Variants in CSMD2 observed in about 807,000 individuals in gnomAD.
CSMD2 encodes CUB and Sushi multiple domains 2.
Under a neutral mutation model 398.5 loss-of-function variants are expected in CSMD2, and 130 were observed. That is an observed-to-expected ratio of 0.33 (90% CI 0.28 to 0.38). The LOEUF is 0.38. Ranked by LOEUF, CSMD2 falls within the 10% of genes least tolerant of loss-of-function variation. CSMD2 has a pLI of 1.00. For missense variants in CSMD2, 3,829 were observed against 4,764.9 expected (o/e 0.80, Z 5.78); for synonymous variants, 1,828 against 1,908.5 (o/e 0.96, Z 1.10).
chr1:34,055,940 ACAGTCAACC>A (rs1338987433), intron 2 of CSMD2, among the ~76,000 whole-genome samples: 2 of 152,206 alleles, frequency 1.3e-5, no homozygotes, highest in Non-Finnish European at 2.9e-5. Flanking sequence ...TGGCAAGCCA[ACAGTCAACC>A]CATTAGCATT....
intron 15 of CSMD2, among the ~76,000 whole-genome samples, chr1:33,734,847 CT>C (rs1187093281): frequency 3.3e-5 from 5 of 151,616 alleles, no homozygotes; most frequent in South Asian, 4.2e-4. Flanking sequence ...GATAATTTAT[CT>C]TTTTTTGTGT....
At chr1:33,884,038 A>G (rs1641416268) in intron 5 of CSMD2, among the ~76,000 whole-genome samples, 1 of 152,110 alleles carries the variant, frequency 6.6e-6, no homozygotes, top group South Asian at 2.1e-4. Context: ...GCAGACACAC[A>G]GTGGACACAC....
At chr1:33,850,314 T>C (rs915870496) in intron 5 of CSMD2, among the ~76,000 whole-genome samples, 4 of 152,190 alleles carry the variant, frequency 2.6e-5, no homozygotes, top group African/African-American at 9.7e-5. Flanking sequence ...TTCTCTGTCT[T>C]TGCCCTTGAT....
intron 5 of CSMD2, among the ~76,000 whole-genome samples, chr1:33,890,340 C>T (rs1290628358): frequency 2.0e-5 from 3 of 150,328 alleles, no homozygotes; most frequent in East Asian, 2.0e-4. Context: ...ACACCATTCT[C>T]CTGCCTCAGC....
intron 2 of CSMD2, among the ~76,000 whole-genome samples, chr1:34,070,700 C>T (rs370259162): frequency 1.3e-5 from 2 of 152,120 alleles, no homozygotes; most frequent in South Asian, 2.1e-4. Context: ...CCCCCACCCC[C>T]ACCCTTGCAG....
chr1:33,621,338 A>G (rs1489650845), intron 37 of CSMD2, among the ~76,000 whole-genome samples: 1 of 152,016 alleles, frequency 6.6e-6, no homozygotes, highest in Admixed American at 6.6e-5. Flanking sequence ...CCCGCCCACA[A>G]CCATTCTCTC....
chr1:33,676,539 G>A lies in CSMD2; in HGVS notation c.4053-13447C>T, dbSNP rs1035026781. ...TGTGAAAATGGCCATACTGCCCAAC[G>A]TAATTTATAGATTCAATGCCATCCC... On this transcript the variant is annotated intron_variant, in intron 25 of 70. Coordinates refer to ENST00000373381, the MANE Select transcript of CSMD2 (RefSeq NM_001281956.2). Among the ~76,000 whole-genome samples the A allele has an allele frequency of 8.5e-5, 13 of 152,298 alleles. No homozygotes were observed. The South Asian group carries it at 1.2e-3, about 15-fold the overall frequency.
intron 44 of CSMD2, chr1:33,600,019 T>G: frequency 3.2e-6 from 2 of 622,616 alleles, no homozygotes; most frequent in Non-Finnish European, 5.9e-6. Context: ...TGAGCCTTCC[T>G]TTGCCCTATT....
At chr1:33,958,660 T>C (rs1373673437) in intron 3 of CSMD2, among the ~76,000 whole-genome samples, 7 of 152,164 alleles carry the variant, frequency 4.6e-5, no homozygotes, top group Non-Finnish European at 1.0e-4. Context: ...GCCATCCTGA[T>C]TTTACAGCTG....
rs1642607254 is a variant in CSMD2 at position 33,633,633 on chromosome 1, TG to T, written c.5087-99del. The T allele has an allele frequency of 1.2e-6, 1 of 867,516 alleles. No individual in the cohort carries two copies. 53.7% of individuals were successfully genotyped at this position (867,516 alleles called of 1,614,324 possible). ...GCCCAAGCCAGGAGGAGGGCAGCCCTGGGGAAGTTGTTGGTTCCTGGGCTGT... is the reference window on the plus strand; with the variant it reads ...GCCCAAGCCAGGAGGAGGGCAGCCCTGGGAAGTTGTTGGTTCCTGGGCTGT... On this transcript the variant is annotated intron_variant, in intron 31 of 70. Transcript: ENST00000373381. This position sits in a 1 kb window ranked among gnomAD's most constrained non-coding sequence, Gnocchi z 5.0.
Position 33,840,943 on chromosome 1 carries a change from C to T in CSMD2, c.1033+5941G>A, listed in dbSNP as rs144334423. ...TTCTGGCCTCAGATTGAAGCCAAGT[C>T]ACAGGCAAGAACCCAACATGTTCAA... On this transcript the variant is annotated intron_variant, in intron 6 of 70. Transcript: ENST00000373381. Among the ~76,000 whole-genome samples the T allele has an allele frequency of 5.6e-3, 856 of 152,344 alleles. 6 individuals are homozygous for T. Among genetic ancestry groups the T allele is most frequent in the African/African-American group, 0.02 (828 of 41,570 alleles).
At chr1:34,098,450 G>GA (rs958454036) in intron 1 of CSMD2, among the ~76,000 whole-genome samples, 3 of 147,882 alleles carry the variant, frequency 2.0e-5, no homozygotes, top group Non-Finnish European at 3.0e-5. Flanking sequence ...TAAATAAAAA[G>GA]AAAAAAAAAG....
At chr1:34,027,251 T>C (rs145693611) in intron 3 of CSMD2, among the ~76,000 whole-genome samples, 1 of 152,262 alleles carries the variant, frequency 6.6e-6, no homozygotes, top group East Asian at 1.9e-4. Context: ...CAATTATCAG[T>C]ACATGGCCAG....
In CSMD2 at chr1:33,686,240, A is replaced by AAAAAC. The variant is rs578261419; in HGVS notation, c.4052+6685_4052+6689dup. Among the ~76,000 whole-genome samples the AAAAAC allele has an allele frequency of 1.2e-4, 19 of 152,292 alleles. No homozygotes were observed. In the South Asian group the frequency reaches 2.1e-3, roughly 17 times the overall value. On this transcript the variant is annotated intron_variant, in intron 25 of 70. Coordinates refer to ENST00000373381, the MANE Select transcript of CSMD2 (RefSeq NM_001281956.2). Reference sequence around the variant, plus strand: ...CATCTGAGCTCGCCCACTGATTATTAAAAACAAAACAAAACAAAACCCTCC... The same window carrying AAAAAC: ...CATCTGAGCTCGCCCACTGATTATTAAAAACAAAACAAAACAAAACAAAACCCTCC...
At chr1:33,959,072 A>G (rs1259015936) in intron 3 of CSMD2, among the ~76,000 whole-genome samples, 1 of 152,136 alleles carries the variant, frequency 6.6e-6, no homozygotes, top group East Asian at 1.9e-4. Flanking sequence ...TCCAGATCAG[A>G]TAACATGTGC....
intron 1 of CSMD2, among the ~76,000 whole-genome samples, chr1:34,105,991 A>C (rs1422540047): frequency 6.6e-6 from 1 of 152,198 alleles, no homozygotes; most frequent in Non-Finnish European, 1.5e-5. Context: ...CATGGATTCT[A>C]TCAAGAACCC....
At chr1:33,929,024 C>A (rs1453451434) in intron 4 of CSMD2, among the ~76,000 whole-genome samples, 4 of 152,218 alleles carry the variant, frequency 2.6e-5, no homozygotes, top group Non-Finnish European at 5.9e-5. Context: ...ACAAAGTGAG[C>A]TGTCTTGCTT....
intron 3 of CSMD2, among the ~76,000 whole-genome samples, chr1:33,967,610 G>A (rs532151077): frequency 6.6e-6 from 1 of 152,142 alleles, no homozygotes; most frequent in African/African-American, 2.4e-5. Flanking sequence ...GAGGTATCAT[G>A]AAAAACAATA....
At chr1:33,608,630 G>T (rs1424611973) in intron 41 of CSMD2, among the ~76,000 whole-genome samples, 1 of 152,158 alleles carries the variant, frequency 6.6e-6, no homozygotes. Context: ...TATAGAAGGT[G>T]GGAATTTGGA....
Sources: allele counts gnomAD v4.1 joint callset (sites outside exome capture counted in the v4.1 genomes callset), GRCh38; gene constraint gnomAD v4.1.1; non-coding constraint Gnocchi (gnomAD v3.1); transcripts MANE v1.5; gene names NCBI Gene and HGNC (gene_info 2026-07-23, HGNC 2026-07-21).